SETD5: variants seen among roughly 807,000 people sequenced by gnomAD.
The protein encoded by SETD5 is histone-lysine N-methyltransferase SETD5.
SETD5 carries 44 observed loss-of-function variants against 153.3 expected under a neutral mutation model. That is an observed-to-expected ratio of 0.29 (90% CI 0.23 to 0.37). The LOEUF (loss-of-function observed/expected upper bound fraction) is 0.37. Ranked by LOEUF, SETD5 falls within the 10% of genes least tolerant of loss-of-function variation. The pLI is 1.00. For synonymous variants in SETD5, 716 were observed against 645.2 expected (o/e 1.11, Z -1.66); for missense variants, 1,544 against 1,768.0 (o/e 0.87, Z 2.27).
At chr3:9,413,042 T>A (rs2036837135) in intron 1 of SETD5, among the ~76,000 whole-genome samples, 1 of 152,108 alleles carries the variant, frequency 6.6e-6, no homozygotes, top group Non-Finnish European at 1.5e-5. Context: ...ATAGAAAGTT[T>A]TAAATTTTAA....
Position 9,440,683 on chromosome 3 carries a change from T to C in SETD5, c.795T>C (p.Ile265=). 3 of 1,613,264 alleles carry C rather than the reference T, an allele frequency of 1.9e-6. No individual in the cohort carries two copies. Among genetic ancestry groups the C allele is most frequent in the South Asian group, 2.2e-5 (2 of 90,940 alleles). The change falls in exon 8 of 23, where the codon ATT becomes ATC. Residue 265 remains isoleucine, a synonymous_variant. Transcript: ENST00000402198. The stretch of plus-strand genomic sequence containing the variant: ...AATTGGCCTGTAATAACACAGTTAT[T>C]GGTTCCCAAATGCAGGTAAGCACCA... ...KTELACNNTV[I]GSQMQLQLGR... is the part of the protein sequence containing the mutation.
Position 9,447,740 on chromosome 3 carries a change from C to T in SETD5, c.1837C>T (p.Pro613Ser), listed in dbSNP as rs764281894. The change falls in exon 15 of 23, where the codon CCC becomes TCC. Residue 613 changes from proline to serine, a missense_variant. Transcript: ENST00000402198. ...PKPPPAKPSR[P>S]RPKSRISRYR... Reference sequence around the variant, plus strand: ...GCCACCTCCAGCAAAGCCTTCTAGGCCCCGGCCGAAGAGTCGAATTTCTCG... The same window carrying T: ...GCCACCTCCAGCAAAGCCTTCTAGGTCCCGGCCGAAGAGTCGAATTTCTCG... The T allele has an allele frequency of 2.5e-6, 4 of 1,613,850 alleles. No individual in the cohort carries two copies. The highest frequency in any genetic ancestry group is 3.4e-6 in the Non-Finnish European group (4 of 1,179,896).
chr3:9,410,877 C>CTTTTTTTTT (rs34787440), intron 1 of SETD5, among the ~76,000 whole-genome samples: 2 of 146,102 alleles, frequency 1.4e-5, no homozygotes, highest in Non-Finnish European at 3.0e-5. Flanking sequence ...TAAAAATTCT[C>CTTTTTTTTT]TTTTTTTTTT....
At chr3:9,471,499 A>C (rs1283026433) in intron 19 of SETD5, among the ~76,000 whole-genome samples, 2 of 152,228 alleles carry the variant, frequency 1.3e-5, no homozygotes, top group Non-Finnish European at 2.9e-5. Context: ...ACAGGTAATT[A>C]GGTGGCACTC....
At chr3:9,455,398 G>A (rs1378273348) in intron 17 of SETD5, among the ~76,000 whole-genome samples, 1 of 151,490 alleles carries the variant, frequency 6.6e-6, no homozygotes, top group Non-Finnish European at 1.5e-5. Context: ...GAGCCACCAT[G>A]CCTGGCTGTG....
chr3:9,433,976 G>A (rs1177680911), intron 4 of SETD5, 26 bp downstream of exon 4: 1 of 1,613,260 alleles, frequency 6.2e-7, no homozygotes, highest in East Asian at 2.2e-5. Context: ...TTTCTCTCCA[G>A]AACAGTGATC....
intron 20 of SETD5, among the ~76,000 whole-genome samples, chr3:9,473,971 A>G (rs999817783): frequency 1.3e-5 from 2 of 152,278 alleles, no homozygotes; most frequent in South Asian, 4.1e-4. Context: ...AGGGGAGACC[A>G]CAAATTTAAA....
intron 1 of SETD5, among the ~76,000 whole-genome samples, chr3:9,398,789 A>T (rs1337602230): frequency 6.6e-6 from 1 of 152,136 alleles, no homozygotes. Flanking sequence ...GGTAAATCGC[A>T]TGAGAGGGAA....
chr3:9,405,466 A>G (rs1361714484), intron 1 of SETD5, among the ~76,000 whole-genome samples: 1 of 152,186 alleles, frequency 6.6e-6, no homozygotes, highest in Non-Finnish European at 1.5e-5. Flanking sequence ...TTCAAGCTGC[A>G]TAATTTATGT....
intron 18 of SETD5, among the ~76,000 whole-genome samples, chr3:9,467,354 T>G (rs1299321075): frequency 6.6e-6 from 1 of 151,984 alleles, no homozygotes; most frequent in Non-Finnish European, 1.5e-5. Context: ...AACAAGATCT[T>G]CAGGAGGGGA....
chr3:9,464,527 A>G lies in SETD5; in HGVS notation c.2579A>G (p.Asn860Ser), dbSNP rs1315152300. The G allele has an allele frequency of 1.2e-6, 2 of 1,613,910 alleles. No individual in the cohort carries two copies. Among genetic ancestry groups the G allele is most frequent in the Non-Finnish European group, 1.7e-6 (2 of 1,179,858 alleles). ...TCTCCAGTCACACCACCCCCTCCCA[A>G]TTCAGGCTCAAAGAGTCCCCAGCTG... is the stretch of plus-strand genomic sequence containing the variant. ...PLSPVTPPPP[N>S]SGSKSPQLAT... Residue 860 changes from asparagine (N) to serine (S), a missense_variant, in exon 18 of 23, where the codon AAT becomes AGT. Asn to Ser is a conservative substitution (Grantham distance 46). Transcript: ENST00000402198.
At position 9,476,364 on chromosome 3, in the gene SETD5, C is replaced by A; in HGVS notation, c.*273C>A. The A allele has an allele frequency of 2.4e-6, 1 of 418,190 alleles. No homozygotes were observed. Among genetic ancestry groups the A allele is most frequent in the Non-Finnish European group, 4.4e-6 (1 of 228,476 alleles). 25.9% of individuals were successfully genotyped at this position (418,190 alleles called of 1,614,324 possible). On this transcript the variant is annotated 3_prime_UTR_variant, in exon 23 of 23. Coordinates refer to ENST00000402198, the MANE Select transcript of SETD5 (RefSeq NM_001080517.3). The stretch of plus-strand genomic sequence containing the variant: ...AAGCAAATGGTGTTTCGGTTAGTAA[C>A]GGTTCTAAGTGCAATGAGTTGTGTT...
rs376821559 is a variant in SETD5, at chr3:9,445,965, G to GTTTTTTTTTTTTTTTTTTTT, written c.1524+229_1524+248dup. Among the ~76,000 whole-genome samples the GTTTTTTTTTTTTTTTTTTTT allele has an allele frequency of 1.7e-4, 15 of 86,452 alleles. 1 individual carries two copies. Among genetic ancestry groups the GTTTTTTTTTTTTTTTTTTTT allele is most frequent in the African/African-American group, 5.1e-4 (11 of 21,372 alleles). 56.7% of individuals were successfully genotyped at this position (86,452 alleles called of 152,430 possible). Reference sequence around the variant, plus strand: ...TATCTAGTGATGGTTTGAAGAGGTTGTTTTTTTTTTTTTTTTTTTTTTTAC... The same window carrying GTTTTTTTTTTTTTTTTTTTT: ...TATCTAGTGATGGTTTGAAGAGGTTGTTTTTTTTTTTTTTTTTTTTTTTTTTTTTTTTTTTTTTTTTTTAC... On this transcript the variant is annotated intron_variant, in intron 13 of 22. Transcript: ENST00000402198.
intron 10 of SETD5, 51 bp downstream of exon 10, chr3:9,442,296 CT>C: frequency 1.6e-6 from 2 of 1,279,854 alleles, no homozygotes; most frequent in Non-Finnish European, 2.2e-6. Context: ...AAATGACAAG[CT>C]TACTGAAGAA....
chr3:9,435,020 G>A (rs1003025721), intron 6 of SETD5, 138 bp downstream of exon 6: 15 of 931,166 alleles, frequency 1.6e-5, no homozygotes, highest in East Asian at 6.1e-5. Context: ...CAAAGCGGGC[G>A]GATCACCTGA....
At position 9,448,633 on chromosome 3, in the gene SETD5, ATGTCTGTGTTTTTG is replaced by A; in HGVS notation, c.2346+7_2346+20del. Reference sequence around the variant, plus strand: ...GCACATTCAGCTCCTGTAAGAAGGTATGTCTGTGTTTTTGTGTGTGTGTTGTGTTTATGTGTGTG... The same window carrying A: ...GCACATTCAGCTCCTGTAAGAAGGTATGTGTGTGTTGTGTTTATGTGTGTG... On this transcript the variant is annotated splice_donor_5th_base_variant and intron_variant, in intron 16 of 22. Transcript: ENST00000402198. 1 of 1,564,846 alleles carries A rather than the reference ATGTCTGTGTTTTTG, an allele frequency of 6.4e-7. No homozygotes were observed. Among genetic ancestry groups the A allele is most frequent in the Admixed American group, 1.9e-5 (1 of 53,390 alleles).
intron 17 of SETD5, among the ~76,000 whole-genome samples, chr3:9,462,618 A>G (rs1029178329): frequency 6.6e-6 from 1 of 150,858 alleles, no homozygotes; most frequent in African/African-American, 2.4e-5. Context: ...AAGAATATAG[A>G]TAGATGGGGC....
At chr3:9,451,713 T>A (rs2042648269) in intron 16 of SETD5, among the ~76,000 whole-genome samples, 1 of 152,182 alleles carries the variant, frequency 6.6e-6, no homozygotes, top group Non-Finnish European at 1.5e-5. Context: ...CACATTCTGC[T>A]GGGATTACAG....
At chr3:9,433,373 A>G in intron 3 of SETD5, 1 of 1,289,852 alleles carries the variant, frequency 7.8e-7, no homozygotes, top group East Asian at 5.5e-5. Context: ...TCTTCAGGGT[A>G]TCCTGTCTTG....
Sources: allele counts gnomAD v4.1 joint callset (sites outside exome capture counted in the v4.1 genomes callset), GRCh38; gene constraint gnomAD v4.1.1; transcripts MANE v1.5; gene names NCBI Gene and HGNC (gene_info 2026-07-23, HGNC 2026-07-21).